The following MLLT6 variants were observed in gnomAD, a reference collection of about 807,000 sequenced individuals.
MLLT6 encodes the protein MLLT6, PHD finger containing.
A neutral mutation model predicts 103.0 loss-of-function variants in MLLT6; 22 were observed. The ratio of observed to expected loss-of-function variants is 0.21; its 90% CI spans 0.15 to 0.31. MLLT6 has a LOEUF of 0.31. Ranked by LOEUF, MLLT6 falls within the 10% of genes least tolerant of loss-of-function variation. MLLT6 has a pLI of 1.00. For synonymous variants in MLLT6, 606 were observed against 623.5 expected (o/e 0.97, Z 0.42); for missense variants, 1,199 against 1,441.7 (o/e 0.83, Z 2.73).
rs1315551725 is a variant in MLLT6 at position 38,705,571 on chromosome 17, C to G, written c.-62C>G. ...GCGGCCCCCCGCTCCCTCCCTCCCC[C>G]CTGACCCCCGACCCCCGCCGGCCGG... On this transcript the variant is annotated 5_prime_UTR_variant, in exon 1 of 20. Transcript: ENST00000621332. 5 of 595,620 alleles carry G rather than the reference C, an allele frequency of 8.4e-6. No individual in the cohort carries two copies. Among genetic ancestry groups the G allele is most frequent in the East Asian group, 3.7e-5 (1 of 26,816 alleles). The allele number at this position is 595,620 out of a possible 1,614,324, so 36.9% of individuals were successfully genotyped here.
chr17:38,727,068 C>A lies in MLLT6; in HGVS notation c.*1470C>A. 1 of 233,034 alleles carries A rather than the reference C, an allele frequency of 4.3e-6. No individual in the cohort carries two copies. The highest frequency in any genetic ancestry group is 8.5e-6 in the Non-Finnish European group (1 of 117,986). 14.4% of individuals were successfully genotyped at this position (233,034 alleles called of 1,614,324 possible). ...GTTTCCAGCTTCCCCAGGCTCCGGC[C>A]TTGTCAGTCTCTTTGCATGTGTGGA... On this transcript the variant is annotated 3_prime_UTR_variant, in exon 20 of 20. Coordinates refer to ENST00000621332, the MANE Select transcript of MLLT6 (RefSeq NM_005937.4).
chr17:38,725,096 A>T (rs1035596341), intron 19 of MLLT6, 120 bp downstream of exon 19: 1 of 723,786 alleles, frequency 1.4e-6, no homozygotes, highest in Admixed American at 3.1e-5. Context: ...TAGGTCAGCA[A>T]AGTACCCTGC....
At position 38,727,373 on chromosome 17, in the gene MLLT6, G is replaced by C; in HGVS notation, c.*1775G>C. The C allele has an allele frequency of 4.3e-6, 1 of 231,630 alleles. No homozygotes were observed. Among genetic ancestry groups the C allele is most frequent in the East Asian group, 6.1e-5 (1 of 16,454 alleles). The allele number at this position is 231,630 out of a possible 1,614,324, so 14.3% of individuals were successfully genotyped here. ...CTTGCAAGGGCTTGGGGGAGGGGGAGGCAGTTGTGATGACCTCAGAAATAC... is the reference window on the plus strand; with the variant it reads ...CTTGCAAGGGCTTGGGGGAGGGGGACGCAGTTGTGATGACCTCAGAAATAC... On this transcript the variant is annotated 3_prime_UTR_variant, in exon 20 of 20. Transcript: ENST00000621332.
At position 38,708,740 on chromosome 17, in the gene MLLT6, C is replaced by A. The variant is rs554660048; in HGVS notation, c.355-433C>A. 4.3e-4 allele frequency among the ~76,000 whole-genome samples: 65 copies of A among 152,088 alleles called. 1 individual carries two copies. The highest frequency in any genetic ancestry group is 1.5e-3 in the African/African-American group (62 of 41,500). ...ATGAGACCCCATCTCTAGAAAAATA[C>A]AAAAATTAGCTGGGCATGGTGGTGG... On this transcript the variant is annotated intron_variant, in intron 4 of 19. Transcript: ENST00000621332.
At position 38,727,794 on chromosome 17, in the gene MLLT6, C is replaced by G. The variant is rs1906114036; in HGVS notation, c.*2196C>G. The stretch of plus-strand genomic sequence containing the variant: ...TGTGTGAGAGAGTGAGACTCTGTCT[C>G]AAAAGAGAAAAAAAAAGAAAAGTAA... On this transcript the variant is annotated 3_prime_UTR_variant, in exon 20 of 20. Coordinates refer to ENST00000621332, the MANE Select transcript of MLLT6 (RefSeq NM_005937.4). 1 of 226,734 alleles carries G rather than the reference C, an allele frequency of 4.4e-6. No individual in the cohort carries two copies. Among genetic ancestry groups the G allele is most frequent in the African/African-American group, 2.2e-5 (1 of 44,622 alleles). 14.0% of individuals were successfully genotyped at this position (226,734 alleles called of 1,614,324 possible).
At chr17:38,722,443 T>C (rs1367296116) in intron 17 of MLLT6, among the ~76,000 whole-genome samples, 2 of 152,136 alleles carry the variant, frequency 1.3e-5, no homozygotes, top group African/African-American at 4.8e-5. Context: ...ACAAAAGAAT[T>C]GTTGACTTCC....
chr17:38,719,632 C>A lies in MLLT6; in HGVS notation c.2009+49C>A, dbSNP rs1905568979. The A allele has an allele frequency of 3.8e-6, 6 of 1,573,886 alleles. No individual in the cohort carries two copies. The African/African-American group carries it at 4.0e-5, about 11-fold the overall frequency. ...GAGGGGCTGGGGGCAGGAGGGACAC[C>A]CGAGGGAGGAGGGACGGAGAGACCG... On this transcript the variant is annotated intron_variant, in intron 13 of 19. Coordinates refer to ENST00000621332, the MANE Select transcript of MLLT6 (RefSeq NM_005937.4).
chr17:38,726,626 T>C lies in MLLT6; in HGVS notation c.*1028T>C, dbSNP rs1197812858. On this transcript the variant is annotated 3_prime_UTR_variant, in exon 20 of 20. Transcript: ENST00000621332. ...GGGGGCACAGGGCTTTGAATCAGGGTAGTATCCTGCCTTCCCTCCCCTGAC... is the reference window on the plus strand; with the variant it reads ...GGGGGCACAGGGCTTTGAATCAGGGCAGTATCCTGCCTTCCCTCCCCTGAC... The C allele has an allele frequency of 4.3e-6, 1 of 233,450 alleles. No individual in the cohort carries two copies. Among genetic ancestry groups the C allele is most frequent in the East Asian group, 6.0e-5 (1 of 16,594 alleles). The allele number at this position is 233,450 out of a possible 1,614,324, so 14.5% of individuals were successfully genotyped here.
At chr17:38,717,736 C>A in intron 11 of MLLT6, 109 bp from the exon 12 acceptor site, 1 of 1,345,710 alleles carries the variant, frequency 7.4e-7, no homozygotes. Context: ...ACCCTCCGGG[C>A]TCTGGACCCC....
chr17:38,717,254 C>G (rs539891434), intron 10 of MLLT6, among the ~76,000 whole-genome samples, 178 bp from the exon 11 acceptor site: 1 of 152,216 alleles, frequency 6.6e-6, no homozygotes, highest in South Asian at 2.1e-4. Context: ...CAAGCAGGCG[C>G]AGCAAGCAGA....
In MLLT6 at chr17:38,707,824, C is replaced by G; in HGVS notation, c.306C>G (p.Thr102=). Residue 102 remains threonine, a synonymous_variant, in exon 4 of 20, where the codon ACC becomes ACG. Transcript: ENST00000621332. ...AGGTGCAATTTGCCAACGTGCTCAC[C>G]ATGGAGCCCATCGTGCTGCAGTACG... is the stretch of plus-strand genomic sequence containing the variant. The part of the protein sequence containing the change: ...IPEVQFANVL[T]MEPIVLQYVP... 1 of 1,613,866 alleles carries G rather than the reference C, an allele frequency of 6.2e-7. No homozygotes were observed. Among genetic ancestry groups the G allele is most frequent in the Non-Finnish European group, 8.5e-7 (1 of 1,179,854 alleles).
At chr17:38,725,004 C>A in intron 19 of MLLT6, 28 bp downstream of exon 19, 1 of 1,421,514 alleles carries the variant, frequency 7.0e-7, no homozygotes. Context: ...GGCCTTCCTG[C>A]CTCCCCTCTG....
rs1555624000 is a variant in MLLT6 at position 38,726,401 on chromosome 17, GTC to G, written c.*805_*806del. Reference sequence around the variant, plus strand: ...TGTGTGTGTGTGTGTGTGTGTGTGTGTCTGTCTGCCTGTCTCTCTCCTCCTGG... The same window carrying G: ...TGTGTGTGTGTGTGTGTGTGTGTGTGTGTCTGCCTGTCTCTCTCCTCCTGG... On this transcript the variant is annotated 3_prime_UTR_variant, in exon 20 of 20. Transcript: ENST00000621332. The G allele has an allele frequency of 6.4e-5, 15 of 233,276 alleles. No individual in the cohort carries two copies. The highest frequency in any genetic ancestry group is 1.1e-4 in the African/African-American group (5 of 44,638). 14.5% of individuals were successfully genotyped at this position (233,276 alleles called of 1,614,324 possible). A position where few individuals can be genotyped will look rare whatever the true frequency, so the allele number is the denominator to read the frequency against.
chr17:38,712,623 C>G (rs753355678), intron 7 of MLLT6, 68 bp from the exon 8 acceptor site: 1 of 1,028,544 alleles, frequency 9.7e-7, no homozygotes, highest in Non-Finnish European at 1.5e-6. Flanking sequence ...TCCCCATACC[C>G]ACATGTCATG....
chr17:38,711,739 C>A, intron 6 of MLLT6, 108 bp from the exon 7 acceptor site: 2 of 1,357,336 alleles, frequency 1.5e-6, no homozygotes, highest in East Asian at 2.6e-5. Context: ...TAGTGACAGA[C>A]GGGGCACATG....
chr17:38,725,114 C>A, intron 19 of MLLT6, 138 bp downstream of exon 19: 1 of 634,272 alleles, frequency 1.6e-6, no homozygotes, highest in Non-Finnish European at 2.7e-6. Flanking sequence ...TGCCTCAGAC[C>A]CCAGGGCCTC....
chr17:38,723,823 A>T (rs923667099), intron 18 of MLLT6, among the ~76,000 whole-genome samples: 3 of 151,108 alleles, frequency 2.0e-5, no homozygotes, highest in Admixed American at 2.0e-4. Context: ...GCTCACTGCA[A>T]CCTCCGCCTC....
chr17:38,725,537 C>T lies in MLLT6; in HGVS notation c.3241-20C>T, dbSNP rs1298628819. ...ACCTGACACTTTCCACACCCCCGGC[C>T]TCCCTCCCTCTCTTTCCAGACCGCT... On this transcript the variant is annotated intron_variant, in intron 19 of 19. Transcript: ENST00000621332. 6.2e-7 allele frequency: 1 copy of T among 1,606,604 alleles called. No individual in the cohort carries two copies. Among genetic ancestry groups the T allele is most frequent in the East Asian group, 2.3e-5 (1 of 44,126 alleles).
chr17:38,723,247 A>T (rs1252146457), intron 18 of MLLT6, among the ~76,000 whole-genome samples: 3 of 152,288 alleles, frequency 2.0e-5, no homozygotes, highest in African/African-American at 7.2e-5. Context: ...TCATGTCTGT[A>T]ATCCAAGCAC....
Sources: gnomAD v4.1 joint callset for allele counts (sites outside exome capture counted in the v4.1 genomes callset) on GRCh38, gnomAD v4.1.1 for gene constraint, MANE v1.5 for transcripts, NCBI Gene and HGNC (gene_info 2026-07-23, HGNC 2026-07-21) for gene names.